The following RBFOX1 variants were observed in gnomAD, a reference collection of about 807,000 sequenced individuals.
RBFOX1 encodes RNA binding protein fox-1 homolog 1.
A neutral mutation model predicts 57.7 loss-of-function variants in RBFOX1; 8 were observed. The ratio of observed to expected loss-of-function variants is 0.14; its 90% CI spans 0.08 to 0.25. The LOEUF (loss-of-function observed/expected upper bound fraction) is 0.25, where lower values mean the gene tolerates loss of function less well. RBFOX1 is among the 10% of genes least tolerant of loss of function. The pLI is 1.00. For missense variants in RBFOX1, 611 were observed against 548.5 expected (o/e 1.11, Z -1.14); for synonymous variants, 326 against 222.4 (o/e 1.47, Z -4.15).
chr16:5,628,723 C>G (rs758454), intron 3 of RBFOX1, among the ~76,000 whole-genome samples: 26,573 of 152,210 alleles, frequency 0.17, 7,249 homozygotes, highest in African/African-American at 0.58. Context: ...ACATAGCAGT[C>G]TCTTGCTTTT....
chr16:7,228,640 A>G lies in RBFOX1; in HGVS notation c.27+176542A>G, dbSNP rs191617385. Among the ~76,000 whole-genome samples the G allele has an allele frequency of 1.1e-3, 162 of 152,272 alleles. 1 individual carries two copies. The highest frequency in any genetic ancestry group is 3.7e-3 in the African/African-American group (154 of 41,564). ...ATCTTGGGCTAGAAGGATTCTCAGA[A>G]TCTTCTTTTCTCTTTGCACCTGATT... On this transcript the variant is annotated intron_variant, in intron 4 of 15. Coordinates refer to ENST00000550418, the MANE Select transcript of RBFOX1 (RefSeq NM_018723.4).
chr16:6,738,798 A>G (rs1438837329), intron 3 of RBFOX1, among the ~76,000 whole-genome samples: 3 of 152,192 alleles, frequency 2.0e-5, no homozygotes, highest in African/African-American at 4.8e-5. Flanking sequence ...CTCTGACAAC[A>G]GTAGAATCAA....
At chr16:5,936,865 A>G (rs1257137899) in intron 4 of RBFOX1, among the ~76,000 whole-genome samples, 1 of 152,224 alleles carries the variant, frequency 6.6e-6, no homozygotes, top group Non-Finnish European at 1.5e-5. Context: ...CTGGGTATCA[A>G]AGATCTCACA....
chr16:6,910,973 G>A (rs1596967991), intron 3 of RBFOX1, among the ~76,000 whole-genome samples: 2 of 152,120 alleles, frequency 1.3e-5, no homozygotes. Context: ...GGCCGAGACA[G>A]GCGGATCACT....
chr16:6,749,273 A>G (rs530520956), intron 3 of RBFOX1, among the ~76,000 whole-genome samples: 1 of 152,270 alleles, frequency 6.6e-6, no homozygotes, highest in Middle Eastern at 3.4e-3. Context: ...ATTGGTACAG[A>G]AAGTCAGTAA....
chr16:5,428,900 T>C (rs1479427547), intron 1 of RBFOX1, among the ~76,000 whole-genome samples: 1 of 152,162 alleles, frequency 6.6e-6, no homozygotes, highest in African/African-American at 2.4e-5. Flanking sequence ...TTTGTTCAAA[T>C]ATTTACTCAG....
At chr16:5,630,304 A>G (rs1320613918) in intron 3 of RBFOX1, among the ~76,000 whole-genome samples, 17 of 152,222 alleles carry the variant, frequency 1.1e-4, no homozygotes. Context: ...TAAAAATACA[A>G]AAATTAGCCA....
chr16:7,079,477 T>C (rs1384255754), intron 4 of RBFOX1, among the ~76,000 whole-genome samples: 1 of 152,206 alleles, frequency 6.6e-6, no homozygotes, highest in Non-Finnish European at 1.5e-5. Flanking sequence ...CAAGCAAGAA[T>C]AGAGGGAGCT....
At chr16:6,510,339 G>A (rs910767573) in intron 2 of RBFOX1, among the ~76,000 whole-genome samples, 133 of 152,186 alleles carry the variant, frequency 8.7e-4, no homozygotes, top group Non-Finnish European at 1.6e-3. Context: ...GCTTTTGTTC[G>A]TGGAAGGTCA....
intron 3 of RBFOX1, among the ~76,000 whole-genome samples, chr16:5,860,100 TG>T (rs2057173613): frequency 3.3e-5 from 5 of 152,152 alleles, no homozygotes; most frequent in Admixed American, 2.6e-4. Flanking sequence ...TCTTTTTTTT[TG>T]TGATGGAGTC....
intron 1 of RBFOX1, among the ~76,000 whole-genome samples, chr16:5,448,177 C>G (rs914482709): frequency 1.1e-4 from 17 of 152,290 alleles, no homozygotes; most frequent in African/African-American, 4.1e-4. Flanking sequence ...ATTCTGAGAG[C>G]TAAGCCTCCG....
intron 4 of RBFOX1, among the ~76,000 whole-genome samples, chr16:7,122,899 C>G (rs188119437): frequency 1.1e-3 from 161 of 152,262 alleles, no homozygotes; most frequent in African/African-American, 3.8e-3. Flanking sequence ...TATGTGACAA[C>G]TTGGATCTAT....
chr16:6,882,323 C>A (rs1052606441), intron 3 of RBFOX1, among the ~76,000 whole-genome samples: 5 of 152,138 alleles, frequency 3.3e-5, no homozygotes, highest in African/African-American at 1.2e-4. Flanking sequence ...TTGTTGTTTG[C>A]AATTCTGGCT....
At chr16:6,280,457 G>T (rs1026425198) in intron 1 of RBFOX1, among the ~76,000 whole-genome samples, 4 of 152,116 alleles carry the variant, frequency 2.6e-5, no homozygotes, top group Admixed American at 2.0e-4. Flanking sequence ...AGACAAGTTG[G>T]CAATGAAGAG....
chr16:6,868,653 C>A (rs746147469), intron 3 of RBFOX1, among the ~76,000 whole-genome samples: 2 of 151,902 alleles, frequency 1.3e-5, no homozygotes, highest in East Asian at 3.9e-4. Context: ...TGTATTTTTC[C>A]TAGAGATAGG....
chr16:7,428,881 GCAA>G (rs1046053620), intron 4 of RBFOX1, among the ~76,000 whole-genome samples: 3 of 152,130 alleles, frequency 2.0e-5, no homozygotes, highest in Admixed American at 6.6e-5. Context: ...AGCAGCAGCA[GCAA>G]CAGTAGTAGT....
At chr16:7,661,670 C>A (rs1284359633) in intron 12 of RBFOX1, among the ~76,000 whole-genome samples, 2 of 152,190 alleles carry the variant, frequency 1.3e-5, no homozygotes, top group African/African-American at 4.8e-5. Context: ...GGCAGGGTTA[C>A]TGAGGGGGCT....
chr16:6,255,775 A>C (rs2152602981), intron 1 of RBFOX1, among the ~76,000 whole-genome samples: 1 of 152,190 alleles, frequency 6.6e-6, no homozygotes, highest in Non-Finnish European at 1.5e-5. Context: ...CGTCGTTCTC[A>C]CCAACTAACA....
At chr16:5,814,395 T>G (rs1473386079) in intron 3 of RBFOX1, among the ~76,000 whole-genome samples, 3 of 152,150 alleles carry the variant, frequency 2.0e-5, no homozygotes, top group Admixed American at 2.0e-4. Context: ...CTTCACCAAC[T>G]TTTTCCCTCT....
Sources: gnomAD v4.1 joint callset for allele counts (sites outside exome capture counted in the v4.1 genomes callset) on GRCh38, gnomAD v4.1.1 for gene constraint, MANE v1.5 for transcripts, NCBI Gene and HGNC (gene_info 2026-07-23, HGNC 2026-07-21) for gene names.